The following TBC1D8 variants were observed in gnomAD, a reference collection of about 807,000 sequenced individuals.
TBC1D8 encodes the protein BUB2-like protein 1.
In TBC1D8, 65 loss-of-function variants were observed where a neutral mutation model predicts 118.8. The ratio of observed to expected loss-of-function variants is 0.55; its 90% CI spans 0.45 to 0.67. TBC1D8 has a LOEUF of 0.67. Among genes scored for constraint, TBC1D8 ranks in the 30% least tolerant of loss-of-function variants. The pLI is 0.00. For synonymous variants in TBC1D8, 566 were observed against 595.8 expected, an observed-to-expected ratio of 0.95 and a Z score of 0.73; for missense variants, 1,376 against 1,471.2, an observed-to-expected ratio of 0.94 and a Z score of 1.06.
At chr2:101,033,866 T>C in intron 9 of TBC1D8, 108 bp from the exon 10 acceptor site, 3 of 1,287,012 alleles carry the variant, frequency 2.3e-6, no homozygotes, top group African/African-American at 1.5e-5. Flanking sequence ...CGTTACTTAC[T>C]GAGGGACAAA....
chr2:101,102,032 A>G (rs1676872542), intron 1 of TBC1D8, among the ~76,000 whole-genome samples: 1 of 146,662 alleles, frequency 6.8e-6, no homozygotes, highest in African/African-American at 2.5e-5. Flanking sequence ...TTTAGAAGAG[A>G]AAGAGGAGGG....
intron 1 of TBC1D8, among the ~76,000 whole-genome samples, chr2:101,136,336 T>C (rs1429340190): frequency 6.6e-6 from 1 of 152,184 alleles, no homozygotes; most frequent in African/African-American, 2.4e-5. Context: ...ACCCTCACCA[T>C]GTGATCTGTG....
chr2:101,126,814 G>T (rs971208782), intron 1 of TBC1D8, among the ~76,000 whole-genome samples: 12 of 152,276 alleles, frequency 7.9e-5, no homozygotes, highest in Admixed American at 7.8e-4. Context: ...AAGGTCAATT[G>T]TAGAAAACGG....
intron 2 of TBC1D8, among the ~76,000 whole-genome samples, chr2:101,073,275 T>TA (rs1674579075): frequency 6.8e-6 from 1 of 146,072 alleles, no homozygotes; most frequent in Non-Finnish European, 1.5e-5. Context: ...TTTTATTTTT[T>TA]ATTTTATTTT....
At chr2:101,071,950 T>G (rs1251103360) in intron 2 of TBC1D8, among the ~76,000 whole-genome samples, 2 of 152,248 alleles carry the variant, frequency 1.3e-5, no homozygotes, top group African/African-American at 4.8e-5. Context: ...TATAGCCTTA[T>G]GAAATGTATT....
chr2:101,102,641 G>C (rs1329486534), intron 1 of TBC1D8, among the ~76,000 whole-genome samples: 8 of 151,974 alleles, frequency 5.3e-5, no homozygotes. Context: ...AAAGTAAAGG[G>C]ATATGGAAAA....
intron 2 of TBC1D8, among the ~76,000 whole-genome samples, chr2:101,077,736 A>T (rs891856284): frequency 2.6e-5 from 4 of 152,182 alleles, no homozygotes; most frequent in Non-Finnish European, 4.4e-5. Flanking sequence ...AGGAACACAG[A>T]TCCAAACCAT....
At chr2:101,071,117 A>G (rs1250911304) in intron 2 of TBC1D8, among the ~76,000 whole-genome samples, 2 of 152,106 alleles carry the variant, frequency 1.3e-5, no homozygotes, top group African/African-American at 4.8e-5. Context: ...AGGCGGGCGG[A>G]TCACGAGGTC....
chr2:101,046,178 T>A (rs1681691637), intron 5 of TBC1D8, among the ~76,000 whole-genome samples: 1 of 152,214 alleles, frequency 6.6e-6, no homozygotes, highest in African/African-American at 2.4e-5. Flanking sequence ...CCAGGAGTCC[T>A]AAGGAAATGT....
At chr2:101,141,276 T>C (rs1679088878) in intron 1 of TBC1D8, among the ~76,000 whole-genome samples, 2 of 152,180 alleles carry the variant, frequency 1.3e-5, no homozygotes, top group East Asian at 3.8e-4. Context: ...TTTTCCACAC[T>C]ATACAACTTT....
chr2:101,073,608 T>TA, intron 2 of TBC1D8, among the ~76,000 whole-genome samples: 1 of 152,208 alleles, frequency 6.6e-6, no homozygotes, highest in Non-Finnish European at 1.5e-5. Flanking sequence ...TACATTGTTT[T>TA]AAAGTCAGTT....
At chr2:101,106,987 G>T (rs1677264774) in intron 1 of TBC1D8, among the ~76,000 whole-genome samples, 1 of 152,218 alleles carries the variant, frequency 6.6e-6, no homozygotes, top group Admixed American at 6.5e-5. Flanking sequence ...AGGGTCAGGT[G>T]TATTCAATGC....
intron 17 of TBC1D8, among the ~76,000 whole-genome samples, chr2:101,012,960 A>C (rs180699585): frequency 4.3e-4 from 65 of 152,358 alleles, no homozygotes; most frequent in Non-Finnish European, 8.5e-4. Context: ...GCAAACCGTG[A>C]ATGGTACCTG....
intron 1 of TBC1D8, among the ~76,000 whole-genome samples, chr2:101,136,495 A>G (rs1452540174): frequency 1.3e-5 from 2 of 152,208 alleles, no homozygotes. Context: ...AGCCTCAGGT[A>G]TTCTAAAGGA....
At chr2:101,129,363 G>A (rs758735394) in intron 1 of TBC1D8, among the ~76,000 whole-genome samples, 1 of 152,020 alleles carries the variant, frequency 6.6e-6, no homozygotes. Context: ...GGCTGTTCTC[G>A]AACTCCTGAA....
Position 101,028,438 on chromosome 2 carries a change from C to T in TBC1D8, c.2223-6G>A, listed in dbSNP as rs752453643. 7.7e-6 allele frequency: 12 copies of T among 1,548,822 alleles called. No individual in the cohort carries two copies. In the Admixed American group the frequency reaches 8.0e-5, roughly 10 times the overall value. On this transcript the variant is annotated splice_polypyrimidine_tract_variant and splice_region_variant and intron_variant, in intron 12 of 19. Transcript: ENST00000409318. Reference sequence around the variant, plus strand: ...TCTTAATGTGATCTAGAAACCTGAACACACCGCCCCGTCAACGCCCAAGTC... The same window carrying T: ...TCTTAATGTGATCTAGAAACCTGAATACACCGCCCCGTCAACGCCCAAGTC...
rs753448234 is a variant in TBC1D8, at chr2:101,008,321, G to A, written c.3016-48C>T. On this transcript the variant is annotated intron_variant, in intron 19 of 19. Transcript: ENST00000409318. ...GTAGCAGCAGAACCAGGGTGGAAGT[G>A]TCATTTTTTTTTTTAAACATACCTG... The A allele has an allele frequency of 1.2e-5, 17 of 1,414,296 alleles. No individual in the cohort carries two copies. In the Admixed American group the frequency reaches 4.4e-4, roughly 37 times the overall value. The allele number at this position is 1,414,296 out of a possible 1,614,324, so 87.6% of individuals were successfully genotyped here.
At chr2:101,017,963 C>A (rs1679776271) in intron 17 of TBC1D8, 6 of 1,546,928 alleles carry the variant, frequency 3.9e-6, no homozygotes, top group Non-Finnish European at 5.2e-6. Context: ...GGTGAAAAGT[C>A]ATTATAGAGG....
At chr2:101,014,136 C>G (rs1162546590) in intron 17 of TBC1D8, among the ~76,000 whole-genome samples, 2 of 151,868 alleles carry the variant, frequency 1.3e-5, no homozygotes, top group African/African-American at 2.4e-5. Context: ...TACCAGGAAT[C>G]TTTATCACTT....
Sources: gnomAD v4.1 joint callset for allele counts (sites outside exome capture counted in the v4.1 genomes callset) on GRCh38, gnomAD v4.1.1 for gene constraint, MANE v1.5 for transcripts, NCBI Gene and HGNC (gene_info 2026-07-23, HGNC 2026-07-21) for gene names.